Variants in TEX11 observed in about 807,000 individuals in gnomAD.
TEX11 encodes the protein testis-expressed protein 11.
In TEX11, 7 loss-of-function variants were observed where a neutral mutation model predicts 84.4. The observed-to-expected ratio is 0.08, with a 90% CI of 0.05 to 0.16. TEX11 has a LOEUF of 0.16. Ranked by LOEUF, TEX11 falls within the 10% of genes least tolerant of loss-of-function variation. The pLI, the probability that TEX11 is intolerant of heterozygous loss-of-function variation, is 1.00. For synonymous variants in TEX11, 264 were observed against 222.8 expected (o/e 1.18, Z -1.64); for missense variants, 551 against 660.5 (o/e 0.83, Z 1.82).
chrX:70,517,662 T>C, the TEX11 span, among the ~76,000 whole-genome samples: 2 of 111,966 alleles, frequency 1.8e-5, no homozygotes, highest in African/African-American at 6.5e-5. Context: ...GGATTCCTTC[T>C]TTTTCTATTG....
chrX:70,601,657 G>A (rs1291577726), intron 24 of TEX11, among the ~76,000 whole-genome samples: 2 of 98,319 alleles, frequency 2.0e-5, no homozygotes, highest in Non-Finnish European at 4.1e-5. Flanking sequence ...AAAGGTCTCT[G>A]GTTTTCCTAG....
chrX:70,850,812 G>A (rs1334900505), intron 7 of TEX11, among the ~76,000 whole-genome samples: 1 of 110,654 alleles, frequency 9.0e-6, no homozygotes, highest in Non-Finnish European at 1.9e-5. Context: ...GCTCACGCCT[G>A]TAATCCCAGC....
At chrX:70,861,340 C>T (rs995475090) in intron 4 of TEX11, among the ~76,000 whole-genome samples, 3 of 110,186 alleles carry the variant, frequency 2.7e-5, no homozygotes, top group South Asian at 3.9e-4. Flanking sequence ...GGATTACAGG[C>T]GTGAGCCACT....
intron 25 of TEX11, among the ~76,000 whole-genome samples, chrX:70,557,414 G>A (rs2088301921): frequency 9.3e-6 from 1 of 107,959 alleles, no homozygotes; most frequent in South Asian, 4.1e-4. Flanking sequence ...AGGTTGTAGT[G>A]AGCTGACATC....
intron 9 of TEX11, among the ~76,000 whole-genome samples, chrX:70,756,856 A>T (rs1317958613): frequency 1.8e-5 from 2 of 112,023 alleles, no homozygotes; most frequent in Non-Finnish European, 3.8e-5. Flanking sequence ...CATCGCAAGG[A>T]AGCTAAAAGC....
chrX:70,732,201 T>C, intron 11 of TEX11, among the ~76,000 whole-genome samples: 1 of 111,915 alleles, frequency 8.9e-6, no homozygotes, highest in East Asian at 2.8e-4. Context: ...TATATCATAC[T>C]GAATGGGCAA....
intron 8 of TEX11, among the ~76,000 whole-genome samples, chrX:70,817,154 T>A (rs766975167): frequency 9.2e-6 from 1 of 108,690 alleles, no homozygotes; most frequent in East Asian, 2.9e-4. Flanking sequence ...TATAGATAAA[T>A]GTAATGGAAA....
At chrX:70,521,325 C>T in the TEX11 span, among the ~76,000 whole-genome samples, 33 of 110,363 alleles carry the variant, frequency 3.0e-4, no homozygotes, top group Admixed American at 3.2e-3. Flanking sequence ...GTCTCACAGG[C>T]TGGAGTGCAG....
intron 9 of TEX11, among the ~76,000 whole-genome samples, chrX:70,775,858 T>C (rs1392666827): frequency 1.0e-5 from 1 of 96,865 alleles, no homozygotes; most frequent in Admixed American, 1.2e-4. Flanking sequence ...TCAATATCAC[T>C]AATCATGAGG....
intron 20 of TEX11, among the ~76,000 whole-genome samples, chrX:70,614,562 C>A (rs1288351937): frequency 8.9e-6 from 1 of 112,050 alleles, no homozygotes; most frequent in Non-Finnish European, 1.9e-5. Flanking sequence ...CTTCTCTGGA[C>A]TCACCTGGGG....
intron 13 of TEX11, among the ~76,000 whole-genome samples, chrX:70,704,340 A>G (rs1372322990): frequency 9.0e-6 from 1 of 110,788 alleles, no homozygotes; most frequent in East Asian, 2.8e-4. Context: ...TATACTCCCC[A>G]TCTGTATAAT....
intron 9 of TEX11, among the ~76,000 whole-genome samples, chrX:70,768,998 C>T (rs753646751): frequency 1.3e-4 from 15 of 111,511 alleles, no homozygotes; most frequent in Non-Finnish European, 2.5e-4. Context: ...GAATAAATTA[C>T]AAGGGGAATT....
chrX:70,596,839 G>A (rs373936289), intron 24 of TEX11, among the ~76,000 whole-genome samples: 225 of 110,723 alleles, frequency 2.0e-3, no homozygotes, highest in African/African-American at 6.6e-3. Context: ...AGTTGTTCTC[G>A]AAAAGAACAA....
rs137929950 is a variant in TEX11, at chrX:70,692,556, A to G, written c.1005-9731T>C. On this transcript the variant is annotated intron_variant, in intron 13 of 29. Transcript: ENST00000374333. ...TCTTGTGACTAGCTTATTTCACTTAACAAAATGTCCTCAAGGTTCATCCAT... is the reference window on the plus strand; with the variant it reads ...TCTTGTGACTAGCTTATTTCACTTAGCAAAATGTCCTCAAGGTTCATCCAT... Among the ~76,000 whole-genome samples the G allele has an allele frequency of 7.5e-3, 836 of 110,977 alleles. 7 individuals are homozygous for G. The highest frequency in any genetic ancestry group is 0.026 in the African/African-American group (797 of 30,544).
intron 17 of TEX11, among the ~76,000 whole-genome samples, chrX:70,634,090 C>T (rs1262404911): frequency 9.0e-6 from 1 of 111,629 alleles, no homozygotes; most frequent in African/African-American, 3.3e-5. Context: ...AATAAGCAAT[C>T]GGAAACCAAA....
intron 11 of TEX11, among the ~76,000 whole-genome samples, chrX:70,728,229 A>C (rs1310753327): frequency 1.8e-5 from 2 of 112,602 alleles, no homozygotes; most frequent in African/African-American, 6.5e-5. Context: ...TACAGCTCCC[A>C]GTGTGAGCAA....
At chrX:70,522,879 T>A in the TEX11 span, among the ~76,000 whole-genome samples, 1 of 109,067 alleles carries the variant, frequency 9.2e-6, no homozygotes, top group East Asian at 2.9e-4. Context: ...ATTAAAAAGG[T>A]AGAAAGAAGA....
chrX:70,619,540 A>G (rs2089358292), intron 20 of TEX11, among the ~76,000 whole-genome samples: 1 of 112,041 alleles, frequency 8.9e-6, no homozygotes, highest in Non-Finnish European at 1.9e-5. Flanking sequence ...GAAATGAACA[A>G]ATGAGTTATG....
At chrX:70,906,102 T>A (rs1464183731) in intron 2 of TEX11, among the ~76,000 whole-genome samples, 2 of 12,938 alleles carry the variant, frequency 1.5e-4, no homozygotes, top group Non-Finnish European at 2.2e-4. Context: ...TATATATATA[T>A]ATATATATAT....
Sources: gnomAD v4.1 joint callset for allele counts (sites outside exome capture counted in the v4.1 genomes callset) on GRCh38, gnomAD v4.1.1 for gene constraint, MANE v1.5 for transcripts, NCBI Gene and HGNC (gene_info 2026-07-23, HGNC 2026-07-21) for gene names.